RNF157: variants seen among roughly 807,000 people sequenced by gnomAD.
The protein encoded by RNF157 is E3 ubiquitin ligase RNF157.
RNF157 carries 55 observed loss-of-function variants against 88.3 expected under a neutral mutation model. The ratio of observed to expected loss-of-function variants is 0.62; its 90% CI spans 0.50 to 0.78. The LOEUF is 0.78. Among genes scored for constraint, RNF157 ranks in the 30% least tolerant of loss-of-function variants. RNF157 has a pLI of 0.00. For missense variants in RNF157, 788 were observed against 860.8 expected (o/e 0.92, Z 1.06); for synonymous variants, 334 against 341.2 (o/e 0.98, Z 0.23).
intron 9 of RNF157, 79 bp downstream of exon 9, chr17:76,162,473 T>A: frequency 9.3e-7 from 1 of 1,078,536 alleles, no homozygotes; most frequent in Non-Finnish European, 1.4e-6. Flanking sequence ...TTTGGCACGC[T>A]AAATTTCTGG....
chr17:76,192,841 C>CTTTTTTTTTTTT (rs34816147), intron 2 of RNF157, among the ~76,000 whole-genome samples: 1 of 134,310 alleles, frequency 7.4e-6, no homozygotes, highest in Non-Finnish European at 1.6e-5. Flanking sequence ...ACTTTCTTTC[C>CTTTTTTTTTTTT]TTTTTTTTTT....
Position 76,158,578 on chromosome 17 carries a change from G to A in RNF157, c.1305-77C>T, listed in dbSNP as rs1187016007. The A allele has an allele frequency of 2.2e-5, 22 of 996,076 alleles. No individual in the cohort carries two copies. The South Asian group carries it at 2.4e-4, about 11-fold the overall frequency. The allele number at this position is 996,076 out of a possible 1,614,324, so 61.7% of individuals were successfully genotyped here. On this transcript the variant is annotated intron_variant, in intron 12 of 18. Coordinates refer to ENST00000269391, the MANE Select transcript of RNF157 (RefSeq NM_052916.3). ...AGAACTTACTGCAAGGGGAGCTGAG[G>A]GGAAAACCCAAATATTTTTTGCTTG...
intron 2 of RNF157, among the ~76,000 whole-genome samples, chr17:76,189,394 C>A (rs1374386853): frequency 6.6e-6 from 1 of 152,166 alleles, no homozygotes; most frequent in Non-Finnish European, 1.5e-5. Flanking sequence ...GATCTATGAG[C>A]AGAAGGCGTG....
intron 1 of RNF157, among the ~76,000 whole-genome samples, chr17:76,220,039 C>T (rs947610857): frequency 3.3e-5 from 5 of 152,076 alleles, no homozygotes; most frequent in African/African-American, 1.2e-4. Context: ...AACAATGTTT[C>T]CTAGCTTGGG....
chr17:76,228,831 G>A (rs1044454136), intron 1 of RNF157, among the ~76,000 whole-genome samples: 1 of 151,940 alleles, frequency 6.6e-6, no homozygotes, highest in African/African-American at 2.4e-5. Context: ...TGAGGCAGGC[G>A]GAGAATCACC....
At chr17:76,154,407 T>C (rs903624940) in intron 16 of RNF157, 79 bp from the exon 17 acceptor site, 19 of 920,126 alleles carry the variant, frequency 2.1e-5, no homozygotes, top group Non-Finnish European at 2.9e-5. Context: ...GAACTAATCA[T>C]CCTACTGGTA....
chr17:76,167,216 T>A, intron 4 of RNF157, 90 bp from the exon 5 acceptor site: 1 of 910,428 alleles, frequency 1.1e-6, no homozygotes, highest in South Asian at 1.4e-5. Context: ...TTCTCAATTA[T>A]CAACAGGGTC....
At chr17:76,201,656 G>A (rs1388908726) in intron 2 of RNF157, among the ~76,000 whole-genome samples, 1 of 152,016 alleles carries the variant, frequency 6.6e-6, no homozygotes, top group Non-Finnish European at 1.5e-5. Context: ...TGTACATAAT[G>A]CACACACATA....
In RNF157 at chr17:76,146,508, A is replaced by G. The variant is rs1465596548; in HGVS notation, c.1922-1155T>C. ...TTGGGCCTCGGCTGCCTCCACTCTC[A>G]GGGTCCCCTGGCTCCCTGGGGTAGG... On this transcript the variant is annotated intron_variant, in intron 18 of 18. Coordinates refer to ENST00000269391, the MANE Select transcript of RNF157 (RefSeq NM_052916.3). This position sits in a 1 kb window ranked among gnomAD's most constrained non-coding sequence, Gnocchi z 4.2. 5.1e-6 allele frequency: 5 copies of G among 985,192 alleles called. No homozygotes were observed. Among genetic ancestry groups the G allele is most frequent in the Non-Finnish European group, 6.0e-6 (5 of 829,914 alleles). 61.0% of individuals were successfully genotyped at this position (985,192 alleles called of 1,614,324 possible). A position where few individuals can be genotyped will look rare whatever the true frequency, so the allele number is the denominator to read the frequency against.
At chr17:76,185,475 C>CTT (rs71161271) in intron 2 of RNF157, among the ~76,000 whole-genome samples, 2 of 141,898 alleles carry the variant, frequency 1.4e-5, no homozygotes, top group African/African-American at 2.7e-5. Flanking sequence ...TTAGTCCTTT[C>CTT]TTTTTTTTTT....
chr17:76,167,511 T>C (rs2144857867), intron 4 of RNF157, 140 bp downstream of exon 4: 5 of 1,235,380 alleles, frequency 4.0e-6, no homozygotes, highest in East Asian at 4.7e-5. Context: ...GCTGAGTGGA[T>C]AAGACATGGA....
rs1397359921 is a variant in RNF157 at position 76,143,465 on chromosome 17, G to A, written c.*1770C>T. Reference sequence around the variant, plus strand: ...CTGCTGCTTCTGGGCTCATATTTCAGGGAAATCAGGAAGTGGGGTTATTGC... The same window carrying A: ...CTGCTGCTTCTGGGCTCATATTTCAAGGAAATCAGGAAGTGGGGTTATTGC... On this transcript the variant is annotated 3_prime_UTR_variant, in exon 19 of 19. Coordinates refer to ENST00000269391, the MANE Select transcript of RNF157 (RefSeq NM_052916.3). 1.3e-5 allele frequency: 2 copies of A among 152,280 alleles called. No homozygotes were observed. Among genetic ancestry groups the A allele is most frequent in the East Asian group, 3.8e-4 (2 of 5,202 alleles). 9.4% of individuals were successfully genotyped at this position (152,280 alleles called of 1,614,324 possible).
At chr17:76,169,714 G>A (rs1247034325) in intron 3 of RNF157, among the ~76,000 whole-genome samples, 2 of 151,618 alleles carry the variant, frequency 1.3e-5, no homozygotes, top group Admixed American at 1.3e-4. Context: ...CAAGTAGCTG[G>A]GATTATAGGC....
intron 2 of RNF157, among the ~76,000 whole-genome samples, chr17:76,174,956 T>C (rs893290038): frequency 6.6e-6 from 1 of 152,216 alleles, no homozygotes; most frequent in Non-Finnish European, 1.5e-5. Flanking sequence ...TTTTTTCTAA[T>C]TACAAAGTAA....
chr17:76,199,447 T>C (rs2069534057), intron 2 of RNF157, among the ~76,000 whole-genome samples: 1 of 151,578 alleles, frequency 6.6e-6, no homozygotes, highest in Admixed American at 6.6e-5. Context: ...TTGTAGAGGG[T>C]CTCACTATGT....
At chr17:76,173,500 T>C (rs1013367962) in intron 3 of RNF157, among the ~76,000 whole-genome samples, 2 of 152,150 alleles carry the variant, frequency 1.3e-5, no homozygotes, top group African/African-American at 4.8e-5. Flanking sequence ...CACAGACGAT[T>C]GCATCCAGTG....
At chr17:76,201,713 C>T (rs991037094) in intron 2 of RNF157, among the ~76,000 whole-genome samples, 1 of 152,048 alleles carries the variant, frequency 6.6e-6, no homozygotes, top group African/African-American at 2.4e-5. Context: ...ACATTATACA[C>T]TGCAACTTGC....
intron 18 of RNF157, among the ~76,000 whole-genome samples, chr17:76,149,320 C>T (rs1043897030): frequency 6.6e-6 from 1 of 151,954 alleles, no homozygotes. Flanking sequence ...GGATGCAGCC[C>T]GGGCTCCATT....
chr17:76,155,696 T>C lies in RNF157; in HGVS notation c.1564A>G (p.Met522Val), dbSNP rs772601518. The change falls in exon 15 of 19, where the codon ATG becomes GTG. Residue 522 changes from methionine (M) to valine (V), a missense_variant. Physicochemically the swap from Met to Val is conservative, Grantham distance 21. Transcript: ENST00000269391. ...SSSLAQSVMSMASSQISTDTV... is the reference protein window; with the variant it reads ...SSSLAQSVMSVASSQISTDTV... ...TCAGTGCTGATCTGGGAGGATGCCATGGACATGACAGACTGGGCCAAGCTG... is the reference window on the plus strand; with the variant it reads ...TCAGTGCTGATCTGGGAGGATGCCACGGACATGACAGACTGGGCCAAGCTG... The C allele has an allele frequency of 3.1e-6, 5 of 1,606,404 alleles. No individual in the cohort carries two copies. In the East Asian group the frequency reaches 9.0e-5, roughly 29 times the overall value.
Sources: gnomAD v4.1 joint callset for allele counts (sites outside exome capture counted in the v4.1 genomes callset) on GRCh38, gnomAD v4.1.1 for gene constraint, Gnocchi (gnomAD v3.1) non-coding constraint, MANE v1.5 for transcripts, NCBI Gene and HGNC (gene_info 2026-07-23, HGNC 2026-07-21) for gene names.